NPIPB2: variants seen among roughly 807,000 people sequenced by gnomAD.
NPIPB2 encodes the protein nuclear pore complex interacting protein family member B2, also known as nuclear pore complex-interacting protein family member B2.
NPIPB2 carries 27 observed loss-of-function variants against 30.8 expected under a neutral mutation model. That is an observed-to-expected ratio of 0.88 (90% CI 0.65 to 1.21). The LOEUF is 1.21. NPIPB2 is among the 50% of genes most tolerant of loss of function. The pLI, the probability that NPIPB2 is intolerant of heterozygous loss-of-function variation, is 0.00. For synonymous variants in NPIPB2, 147 were observed against 162.0 expected (o/e 0.91, Z 0.70); for missense variants, 440 against 446.2 (o/e 0.99, Z 0.13).
intron 1 of NPIPB2, among the ~76,000 whole-genome samples, chr16:11,974,801 C>T (rs1224819514): frequency 6.6e-6 from 1 of 151,536 alleles, no homozygotes; most frequent in Non-Finnish European, 1.5e-5. Flanking sequence ...GTGCAGGGCG[C>T]GGTGGCTCAC....
chr16:11,972,588 A>G (rs1441771109), intron 1 of NPIPB2, among the ~76,000 whole-genome samples: 1 of 151,428 alleles, frequency 6.6e-6, no homozygotes, highest in East Asian at 1.9e-4. Flanking sequence ...AAAAAAAGAA[A>G]AAAAAGCTAG....
chr16:11,962,611 C>G (rs1020348775), intron 1 of NPIPB2, among the ~76,000 whole-genome samples: 1 of 34,638 alleles, frequency 2.9e-5, no homozygotes, highest in Non-Finnish European at 6.7e-5. Flanking sequence ...GATTCTGTCT[C>G]AAAAAAAAAA....
At chr16:11,952,217 G>A (rs915112015) in intron 1 of NPIPB2, among the ~76,000 whole-genome samples, 13 of 150,890 alleles carry the variant, frequency 8.6e-5, no homozygotes, top group East Asian at 3.9e-4. Flanking sequence ...GTGTGGTGGC[G>A]GGCGTCTGTA....
intron 1 of NPIPB2, among the ~76,000 whole-genome samples, chr16:11,957,486 G>A (rs1384581902): frequency 6.6e-6 from 1 of 151,798 alleles, no homozygotes; most frequent in African/African-American, 2.4e-5. Context: ...TACAGACGGG[G>A]TTTCACCATG....
chr16:11,927,454 G>T, exon 8 of NPIPB2: 1 of 1,106,890 alleles, frequency 9.0e-7, no homozygotes. Flanking sequence ...CCACCTCAGC[G>T]GCCCTCCGCC....
intron 1 of NPIPB2, among the ~76,000 whole-genome samples, chr16:11,955,486 G>C (rs2055102671): frequency 6.6e-6 from 1 of 151,404 alleles, no homozygotes; most frequent in Non-Finnish European, 1.5e-5. Flanking sequence ...GAGGCAGGTG[G>C]ATCATAAGGT....
intron 1 of NPIPB2, among the ~76,000 whole-genome samples, chr16:11,955,133 G>A (rs761405859): frequency 1.3e-5 from 2 of 151,830 alleles, no homozygotes; most frequent in Non-Finnish European, 2.9e-5. Flanking sequence ...CCAGCATGGT[G>A]GATTGAGGCC....
At chr16:11,927,379 T>C in exon 8 of NPIPB2, 1 of 898,166 alleles carries the variant, frequency 1.1e-6, no homozygotes, top group Non-Finnish European at 1.8e-6. Context: ...TTGCTCAGGC[T>C]TGAGTGCAAT....
intron 1 of NPIPB2, chr16:11,976,516 C>T (rs2055299767): frequency 5.8e-6 from 2 of 344,880 alleles, no homozygotes; most frequent in South Asian, 1.5e-4. Flanking sequence ...GCAGGGGAGG[C>T]GTCTTGGGCA....
At chr16:11,955,651 G>A (rs2055104159) in intron 1 of NPIPB2, among the ~76,000 whole-genome samples, 1 of 151,222 alleles carries the variant, frequency 6.6e-6, no homozygotes, top group Non-Finnish European at 1.5e-5. Flanking sequence ...AACCTGAGAG[G>A]CAGAGGTTGC....
At chr16:11,938,242 C>T (rs575013068) in intron 1 of NPIPB2, among the ~76,000 whole-genome samples, 1 of 152,374 alleles carries the variant, frequency 6.6e-6, no homozygotes, top group Non-Finnish European at 1.5e-5. Context: ...TGGCCTTGAA[C>T]TCCTGACAGG....
intron 1 of NPIPB2, among the ~76,000 whole-genome samples, chr16:11,949,297 C>G (rs184989949): frequency 6.6e-6 from 1 of 152,274 alleles, no homozygotes; most frequent in African/African-American, 2.4e-5. Context: ...ACTCAGCAAC[C>G]TTGCAAAATA....
At chr16:11,952,973 T>C (rs2055081135) in intron 1 of NPIPB2, among the ~76,000 whole-genome samples, 1 of 152,148 alleles carries the variant, frequency 6.6e-6, no homozygotes, top group Admixed American at 6.6e-5. Context: ...AAAGACTGAC[T>C]TGAACCCCAA....
At chr16:11,941,360 AGGGGG>A (rs1474598344) in intron 1 of NPIPB2, 1 of 88,270 alleles carries the variant, frequency 1.1e-5, no homozygotes, top group Admixed American at 1.9e-4. Context: ...GGGGGAGGGG[AGGGGG>A]AGGGGAAGGG....
intron 1 of NPIPB2, among the ~76,000 whole-genome samples, chr16:11,963,583 T>C (rs1021127587): frequency 6.6e-6 from 1 of 152,044 alleles, no homozygotes; most frequent in African/African-American, 2.4e-5. Flanking sequence ...TAAACACAGG[T>C]GAAGCCTTTT....
intron 1 of NPIPB2, among the ~76,000 whole-genome samples, chr16:11,940,187 C>T (rs1185832090): frequency 9.6e-6 from 1 of 104,470 alleles, no homozygotes; most frequent in African/African-American, 2.8e-5. Flanking sequence ...CTTATCTCTA[C>T]TAAAAATACA....
chr16:11,964,788 C>T (rs2055180324), intron 1 of NPIPB2, among the ~76,000 whole-genome samples: 1 of 152,158 alleles, frequency 6.6e-6, no homozygotes, highest in Non-Finnish European at 1.5e-5. Flanking sequence ...ATTTTGAACT[C>T]CTGGGCTCAA....
chr16:11,927,721 G>T (rs779354641), exon 8 of NPIPB2: 1 of 1,598,144 alleles, frequency 6.3e-7, no homozygotes. Flanking sequence ...GCAGACACTC[G>T]GGAGGTGTCT....
chr16:11,965,090 T>C (rs374308135), intron 1 of NPIPB2: 1 of 544,550 alleles, frequency 1.8e-6, no homozygotes, highest in Non-Finnish European at 3.3e-6. Context: ...ATTTACACCC[T>C]GTCTCTTACC....
Sources: gnomAD v4.1 joint callset for allele counts (sites outside exome capture counted in the v4.1 genomes callset) on GRCh38, gnomAD v4.1.1 for gene constraint, MANE v1.5 for transcripts, NCBI Gene and HGNC (gene_info 2026-07-23, HGNC 2026-07-21) for gene names.